The following RUSC1 variants were observed in gnomAD, a reference collection of about 807,000 sequenced individuals.
The protein encoded by RUSC1 is AP-4 complex accessory subunit RUSC1.
Under a neutral mutation model 72.1 loss-of-function variants are expected in RUSC1, and 40 were observed. That is an observed-to-expected ratio of 0.55 (90% CI 0.43 to 0.72). The LOEUF (loss-of-function observed/expected upper bound fraction) is 0.72. Among genes scored for constraint, RUSC1 ranks in the 30% least tolerant of loss-of-function variants. The probability of loss-of-function intolerance (pLI) is 0.00; values close to 1 mark genes in which losing one functional copy is unlikely to be tolerated. For missense variants in RUSC1, 1,092 were observed against 1,172.3 expected, an observed-to-expected ratio of 0.93 and a Z score of 1.00; for synonymous variants, 512 against 494.2, an observed-to-expected ratio of 1.04 and a Z score of -0.48.
At chr1:155,321,045 G>A (rs368269316) in intron 1 of RUSC1, 54 bp downstream of exon 1, 4 of 1,459,844 alleles carry the variant, frequency 2.7e-6, no homozygotes, top group African/African-American at 2.8e-5. Context: ...CACGAGGGGC[G>A]GGGCAGGACA....
Position 155,325,542 on chromosome 1 carries a change from G to A in RUSC1, c.1709-25G>A, listed in dbSNP as rs766044680. ...CAGTGCGCAGGGCAGGGCCGGGCTTGGCTGACTGCACCCCACGTTCTCAGG... is the reference window on the plus strand; with the variant it reads ...CAGTGCGCAGGGCAGGGCCGGGCTTAGCTGACTGCACCCCACGTTCTCAGG... On this transcript the variant is annotated intron_variant, in intron 5 of 9. Transcript: ENST00000368352. The surrounding 1 kb of genome is among the most constrained non-coding windows in gnomAD (Gnocchi z 6.5). The A allele has an allele frequency of 1.7e-5, 28 of 1,607,248 alleles. No homozygotes were observed. In the South Asian group the frequency reaches 3.1e-4, roughly 18 times the overall value.
At chr1:155,329,389 A>G (rs1052457614) in intron 9 of RUSC1, among the ~76,000 whole-genome samples, 9 of 139,668 alleles carry the variant, frequency 6.4e-5, no homozygotes, top group Non-Finnish European at 1.4e-4. Flanking sequence ...CCTGGCTACT[A>G]AACTTTTTTT....
rs1185711288 is a variant in RUSC1 at position 155,325,630 on chromosome 1, G to A, written c.1772G>A (p.Ser591Asn). 8.7e-6 allele frequency: 14 copies of A among 1,613,134 alleles called. No homozygotes were observed. Among genetic ancestry groups the A allele is most frequent in the Admixed American group, 3.3e-5 (2 of 60,004 alleles). ...GTCAGCCGTCTAGCCCCGCTGAGCA[G>A]CAGCCGTAGCCGCTTCCATGCCTTT... ...SQVSRLAPLS[S>N]SRSRFHAFIL... The change falls in exon 6 of 10, where the codon AGC becomes AAC. Residue 591 changes from serine (S) to asparagine (N), a missense_variant. Coordinates refer to ENST00000368352, the MANE Select transcript of RUSC1 (RefSeq NM_001105203.2). This position sits in a 1 kb window ranked among gnomAD's most constrained non-coding sequence, Gnocchi z 6.5.
chr1:155,320,976 T>G lies in RUSC1; in HGVS notation c.-102T>G. ...GCGGACAAGCCCAAGGCCGGAGCGG[T>G]TCCAGGAGGACCCTGGTGAGGAGGG... is the stretch of plus-strand genomic sequence containing the variant. On this transcript the variant is annotated 5_prime_UTR_variant, in exon 1 of 10. Coordinates refer to ENST00000368352, the MANE Select transcript of RUSC1 (RefSeq NM_001105203.2). 3 of 1,531,474 alleles carry G rather than the reference T, an allele frequency of 2.0e-6. No individual in the cohort carries two copies. Among genetic ancestry groups the G allele is most frequent in the Non-Finnish European group, 1.8e-6 (2 of 1,130,292 alleles). 94.9% of individuals were successfully genotyped at this position (1,531,474 alleles called of 1,614,324 possible).
rs1207174693 is a variant in RUSC1, at chr1:155,322,046, AGAG to A, written c.275_277del (p.Glu92del). The A allele has an allele frequency of 6.2e-7, 1 of 1,613,446 alleles. No homozygotes were observed. The highest frequency in any genetic ancestry group is 8.5e-7 in the Non-Finnish European group (1 of 1,179,604). ...ACCGGCAGGACCCGTCACAGGAGGA[AGAG>A]GGGGCTGCCTCTCCCTCAGACCCAG... is the stretch of plus-strand genomic sequence containing the variant. On this transcript the variant is annotated inframe_deletion, in exon 2 of 10. Transcript: ENST00000368352.
intron 2 of RUSC1, chr1:155,324,208 G>A (rs555576132): frequency 4.2e-6 from 6 of 1,414,464 alleles, no homozygotes; most frequent in Non-Finnish European, 5.5e-6. Context: ...AGGGGTGGAG[G>A]GTGAAGCTCC....
At chr1:155,324,366 T>C in intron 2 of RUSC1, 1 of 1,609,334 alleles carries the variant, frequency 6.2e-7, no homozygotes, top group Non-Finnish European at 8.5e-7. Flanking sequence ...AATCCTCGGG[T>C]CTCGCCTCCC....
In RUSC1 at chr1:155,324,906, C is replaced by T; in HGVS notation, c.1419C>T (p.Ala473=). Residue 473 remains alanine, a synonymous_variant, in exon 3 of 10, where the codon GCC becomes GCT. Coordinates refer to ENST00000368352, the MANE Select transcript of RUSC1 (RefSeq NM_001105203.2). The part of the protein sequence containing the change: ...PGAQRLWMAE[A]QSGTGQLQEQ... Reference sequence around the variant, plus strand: ...CCCAGCGGCTGTGGATGGCAGAAGCCCAGAGTGGGACTGGTCAGCTGCAGG... The same window carrying T: ...CCCAGCGGCTGTGGATGGCAGAAGCTCAGAGTGGGACTGGTCAGCTGCAGG... 3.1e-6 allele frequency: 5 copies of T among 1,614,218 alleles called. No homozygotes were observed. The highest frequency in any genetic ancestry group is 3.4e-6 in the Non-Finnish European group (4 of 1,180,042).
Position 155,326,455 on chromosome 1 carries a change from CCT to C in RUSC1, c.1862-120_1862-119del. The C allele has an allele frequency of 2.0e-6, 2 of 979,822 alleles. No individual in the cohort carries two copies. Among genetic ancestry groups the C allele is most frequent in the Non-Finnish European group, 3.0e-6 (2 of 672,520 alleles). 60.7% of individuals were successfully genotyped at this position (979,822 alleles called of 1,614,324 possible). A position where few individuals can be genotyped will look rare whatever the true frequency, so the allele number is the denominator to read the frequency against. The stretch of plus-strand genomic sequence containing the variant: ...TCCTATAGCCCACCACATCCTTCCT[CCT>C]CTCTGCCCCAGTGCCCAGCAGAGTG... On this transcript the variant is annotated intron_variant, in intron 7 of 9. Transcript: ENST00000368352. This position sits in a 1 kb window ranked among gnomAD's most constrained non-coding sequence, Gnocchi z 4.7.
intron 9 of RUSC1, among the ~76,000 whole-genome samples, chr1:155,329,092 CAT>C (rs551570941): frequency 1.8e-3 from 274 of 151,976 alleles, no homozygotes; most frequent in African/African-American, 6.4e-3. Flanking sequence ...AGAGACTAAA[CAT>C]AATTTTTTTT....
intron 8 of RUSC1, among the ~76,000 whole-genome samples, chr1:155,327,503 A>G (rs1448774122): frequency 6.6e-6 from 1 of 152,192 alleles, no homozygotes; most frequent in Non-Finnish European, 1.5e-5. Flanking sequence ...TCGGTTGAAA[A>G]AAACCTGCAT....
chr1:155,321,194 G>A, intron 1 of RUSC1: 1 of 1,368,376 alleles, frequency 7.3e-7, no homozygotes, highest in Non-Finnish European at 9.8e-7. Context: ...AGCAGATGCG[G>A]AGTTGACAAG....
chr1:155,324,953 C>T lies in RUSC1; in HGVS notation c.1456+10C>T, dbSNP rs746397088. The T allele has an allele frequency of 5.2e-5, 84 of 1,613,988 alleles. 1 individual carries two copies. Among genetic ancestry groups the T allele is most frequent in the South Asian group, 1.3e-4 (12 of 91,084 alleles). The stretch of plus-strand genomic sequence containing the variant: ...CAGGAGCAGAAGAAAGGTAGGGCAC[C>T]CTGACTCCCGACCCCGCGCTTCCGA... On this transcript the variant is annotated intron_variant, in intron 3 of 9. Transcript: ENST00000368352.
intron 1 of RUSC1, chr1:155,321,245 C>A: frequency 7.3e-7 from 1 of 1,362,970 alleles, no homozygotes; most frequent in South Asian, 1.2e-5. Context: ...GCCCCCACCC[C>A]TTTCCTGCAT....
chr1:155,324,278 C>T lies in RUSC1; in HGVS notation c.1358-567C>T, dbSNP rs1306601101. 3 of 1,528,748 alleles carry T rather than the reference C, an allele frequency of 2.0e-6. No homozygotes were observed. In the East Asian group the frequency reaches 7.0e-5, roughly 35 times the overall value. 94.7% of individuals were successfully genotyped at this position (1,528,748 alleles called of 1,614,324 possible). ...CCCTCTCCGCGAGTCCAGTCCCACGCGGGATGAAGAGGGCACCCTCCGCCA... is the reference window on the plus strand; with the variant it reads ...CCCTCTCCGCGAGTCCAGTCCCACGTGGGATGAAGAGGGCACCCTCCGCCA... On this transcript the variant is annotated intron_variant, in intron 2 of 9. Coordinates refer to ENST00000368352, the MANE Select transcript of RUSC1 (RefSeq NM_001105203.2).
chr1:155,321,998 G>A lies in RUSC1; in HGVS notation c.225G>A (p.Gln75=). ...NSPAVPCRCC[Q]EHGPGLENRQ... Reference sequence around the variant, plus strand: ...CAGCTGTGCCCTGCCGGTGCTGCCAGGAGCACGGTCCGGGCCTAGAAAACC... The same window carrying A: ...CAGCTGTGCCCTGCCGGTGCTGCCAAGAGCACGGTCCGGGCCTAGAAAACC... Residue 75 remains glutamine, a synonymous_variant, in exon 2 of 10, where the codon CAG becomes CAA. Transcript: ENST00000368352. 2 of 1,601,774 alleles carry A rather than the reference G, an allele frequency of 1.2e-6. No individual in the cohort carries two copies. The highest frequency in any genetic ancestry group is 1.7e-6 in the Non-Finnish European group (2 of 1,173,042).
chr1:155,327,041 G>A lies in RUSC1; in HGVS notation c.2323G>A (p.Glu775Lys), dbSNP rs778813672. ...ACAGGAGAGACCCCTGCCCACAGAT[G>A]AGATGGCACCAGGCAGGGGCCTCTG... ...GAQERPLPTD[E>K]MAPGRGLWLG... The change falls in exon 8 of 10, where the codon GAG (glutamate) becomes AAG (lysine). Residue 775 changes from glutamate to lysine, a missense_variant. Glu to Lys is a moderately conservative substitution (Grantham distance 56, BLOSUM62 1). Transcript: ENST00000368352. 1 of 1,613,514 alleles carries A rather than the reference G, an allele frequency of 6.2e-7. No individual in the cohort carries two copies. Among genetic ancestry groups the A allele is most frequent in the Non-Finnish European group, 8.5e-7 (1 of 1,180,038 alleles).
Position 155,326,875 on chromosome 1 carries a change from C to T in RUSC1, c.2157C>T (p.Asp719=), listed in dbSNP as rs1478323029. ...TSKEAASDPS[D]SPNLPTPGSW... is the part of the protein sequence containing the mutation. The stretch of plus-strand genomic sequence containing the variant: ...AGGAAGCTGCTTCAGACCCCTCTGA[C>T]TCTCCAAACCTTCCCACACCAGGGA... Residue 719 remains aspartate, a synonymous_variant, in exon 8 of 10, where the codon GAC becomes GAT. Transcript: ENST00000368352. This position sits in a 1 kb window ranked among gnomAD's most constrained non-coding sequence, Gnocchi z 4.7. 4.3e-6 allele frequency: 7 copies of T among 1,613,806 alleles called. No individual in the cohort carries two copies. Among genetic ancestry groups the T allele is most frequent in the East Asian group, 4.5e-5 (2 of 44,888 alleles).
Position 155,322,860 on chromosome 1 carries a change from G to A in RUSC1, c.1087G>A (p.Ala363Thr). The A allele has an allele frequency of 6.2e-7, 1 of 1,612,850 alleles. No homozygotes were observed. Among genetic ancestry groups the A allele is most frequent in the Non-Finnish European group, 8.5e-7 (1 of 1,179,768 alleles). The stretch of plus-strand genomic sequence containing the variant: ...CTCGGGGTCGCCGGGCGGCTCCTCG[G>A]CACCTCCTCGGGAAGTCACCACCTT... ...PPSGSPGGSSAPPREVTTFKE... is the reference protein window; with the variant it reads ...PPSGSPGGSSTPPREVTTFKE... Residue 363 changes from alanine (A) to threonine (T), a missense_variant, in exon 2 of 10, where the codon GCA becomes ACA. By Grantham distance (58) the Ala-to-Thr change is moderately conservative. Transcript: ENST00000368352.
Sources: gnomAD v4.1 joint callset for allele counts (sites outside exome capture counted in the v4.1 genomes callset) on GRCh38, gnomAD v4.1.1 for gene constraint, Gnocchi (gnomAD v3.1) non-coding constraint, MANE v1.5 for transcripts, NCBI Gene and HGNC (gene_info 2026-07-23, HGNC 2026-07-21) for gene names.